The following ADGRL3 variants were observed in gnomAD, a reference collection of about 807,000 sequenced individuals.
ADGRL3 encodes adhesion G protein-coupled receptor L3, also known as calcium-independent alpha-latrotoxin receptor 3.
A neutral mutation model predicts 153.5 loss-of-function variants in ADGRL3; 62 were observed. The ratio of observed to expected loss-of-function variants is 0.40; its 90% confidence interval spans 0.33 to 0.50. The LOEUF is 0.50. Among genes scored for constraint, ADGRL3 ranks in the 20% least tolerant of loss-of-function variants. The pLI, the probability that ADGRL3 is intolerant of heterozygous loss-of-function variation, is 0.47. For synonymous variants in ADGRL3, 710 were observed against 672.5 expected (o/e 1.06, Z -0.86); for missense variants, 1,641 against 1,859.4 (o/e 0.88, Z 2.16).
At chr4:61,668,853 A>T (rs1435220559) in intron 5 of ADGRL3, among the ~76,000 whole-genome samples, 1 of 152,122 alleles carries the variant, frequency 6.6e-6, no homozygotes, top group Non-Finnish European at 1.5e-5. Flanking sequence ...CCTCATCTCT[A>T]CAAAAAGTAA....
At position 61,978,080 on chromosome 4, in the gene ADGRL3, T is replaced by C. The variant is rs116353333; in HGVS notation, c.2806-1483T>C. Among the ~76,000 whole-genome samples the C allele has an allele frequency of 7.9e-3, 1,205 of 152,268 alleles. 18 individuals are homozygous for C. The highest frequency in any genetic ancestry group is 0.028 in the African/African-American group (1,151 of 41,562). The stretch of plus-strand genomic sequence containing the variant: ...ACGTGAATATTTATATAGGTTAAAA[T>C]TGGGCTTAGTGTGGAAGCCAACTAA... On this transcript the variant is annotated intron_variant, in intron 17 of 26. Coordinates refer to ENST00000683033, the MANE Select transcript of ADGRL3 (RefSeq NM_001387552.1).
chr4:61,325,158 A>G (rs975423159), intron 1 of ADGRL3, among the ~76,000 whole-genome samples: 1 of 152,038 alleles, frequency 6.6e-6, no homozygotes, highest in African/African-American at 2.4e-5. Context: ...CTAAAAATAC[A>G]AAAATTAGCT....
intron 1 of ADGRL3, among the ~76,000 whole-genome samples, chr4:61,243,458 T>C (rs1242564994): frequency 1.3e-5 from 2 of 152,010 alleles, no homozygotes; most frequent in Admixed American, 1.3e-4. Context: ...GCTTCTCCCT[T>C]GGGCAGCAGC....
intron 3 of ADGRL3, among the ~76,000 whole-genome samples, chr4:61,499,158 T>A (rs1005731934): frequency 2.6e-5 from 4 of 152,188 alleles, no homozygotes; most frequent in African/African-American, 9.7e-5. Context: ...GCATTGCATT[T>A]TGCTGTCATT....
chr4:62,035,945 T>C (rs945985319), intron 23 of ADGRL3, among the ~76,000 whole-genome samples: 4 of 152,110 alleles, frequency 2.6e-5, no homozygotes, highest in African/African-American at 9.7e-5. Context: ...TGACACATAA[T>C]AGTTAAAAAG....
At chr4:61,278,168 C>A (rs559607590) in intron 1 of ADGRL3, among the ~76,000 whole-genome samples, 6 of 152,066 alleles carry the variant, frequency 3.9e-5, no homozygotes, top group Non-Finnish European at 8.8e-5. Flanking sequence ...CCTATTATAA[C>A]TGGCTTTGGC....
At chr4:61,720,599 A>G (rs1042679803) in intron 6 of ADGRL3, among the ~76,000 whole-genome samples, 1 of 152,176 alleles carries the variant, frequency 6.6e-6, no homozygotes, top group African/African-American at 2.4e-5. Context: ...TAATCAGTGG[A>G]GATATTCAAT....
intron 4 of ADGRL3, among the ~76,000 whole-genome samples, chr4:61,559,217 G>C (rs1263012924): frequency 6.6e-6 from 1 of 151,874 alleles, no homozygotes; most frequent in Non-Finnish European, 1.5e-5. Context: ...TCATCATCAC[G>C]ACCACCACCC....
At chr4:61,375,435 C>A (rs1397435814) in intron 1 of ADGRL3, among the ~76,000 whole-genome samples, 1 of 151,950 alleles carries the variant, frequency 6.6e-6, no homozygotes, top group Non-Finnish European at 1.5e-5. Flanking sequence ...TAAACCGGGA[C>A]AAGATTTCCT....
At position 61,717,465 on chromosome 4, in the gene ADGRL3, T is replaced by C. The variant is rs377493756; in HGVS notation, c.584-13157T>C. ...GGAGCCAGATTGTCTTATAAATTCC[T>C]AGCTCTATTTCTTACCTGATTTGTG... On this transcript the variant is annotated intron_variant, in intron 6 of 26. Coordinates refer to ENST00000683033, the MANE Select transcript of ADGRL3 (RefSeq NM_001387552.1). Among the ~76,000 whole-genome samples the C allele has an allele frequency of 9.9e-5, 15 of 152,276 alleles. No individual in the cohort carries two copies. The South Asian group carries it at 3.1e-3, about 32-fold the overall frequency.
intron 23 of ADGRL3, among the ~76,000 whole-genome samples, chr4:62,037,428 CTT>C (rs760203316): frequency 8.6e-5 from 13 of 151,930 alleles, no homozygotes; most frequent in Non-Finnish European, 1.6e-4. Flanking sequence ...CTTCAATGGG[CTT>C]AAGTATATGT....
At position 61,775,375 on chromosome 4, in the gene ADGRL3, A is replaced by G. The variant is rs183428261; in HGVS notation, c.1400-38434A>G. On this transcript the variant is annotated intron_variant, in intron 8 of 26. Coordinates refer to ENST00000683033, the MANE Select transcript of ADGRL3 (RefSeq NM_001387552.1). Reference sequence around the variant, plus strand: ...GTTCCCAGTTTTACAGTAATGGAAAAGCTAAAATTTTCTTTTTTTTCTTTC... The same window carrying G: ...GTTCCCAGTTTTACAGTAATGGAAAGGCTAAAATTTTCTTTTTTTTCTTTC... 10 of 440,662 alleles carry G rather than the reference A, an allele frequency of 2.3e-5. No homozygotes were observed. In the Admixed American group the frequency reaches 3.4e-4, roughly 15 times the overall value. 27.3% of individuals were successfully genotyped at this position (440,662 alleles called of 1,614,324 possible).
At chr4:61,282,516 T>G (rs879279719) in intron 1 of ADGRL3, among the ~76,000 whole-genome samples, 1 of 152,038 alleles carries the variant, frequency 6.6e-6, no homozygotes, top group Non-Finnish European at 1.5e-5. Context: ...AGAAGTTGGC[T>G]TTTGGAGGCA....
rs1399355644 is a variant in ADGRL3, at chr4:62,071,664, C to A, written c.*756C>A. ...AAAAAAAAAAAGAAATTTTCTTTTT[C>A]TTTTGTGCTGGTCTTGCAAGTTTGT... On this transcript the variant is annotated 3_prime_UTR_variant, in exon 27 of 27. Transcript: ENST00000683033. 2.7e-6 allele frequency: 1 copy of A among 369,558 alleles called. No individual in the cohort carries two copies. Among genetic ancestry groups the A allele is most frequent in the South Asian group, 2.1e-5 (1 of 48,518 alleles). The allele number at this position is 369,558 out of a possible 1,614,324, so 22.9% of individuals were successfully genotyped here. A position where few individuals can be genotyped will look rare whatever the true frequency, so the allele number is the denominator to read the frequency against.
At chr4:61,799,686 C>A (rs2097465691) in intron 8 of ADGRL3, among the ~76,000 whole-genome samples, 1 of 152,052 alleles carries the variant, frequency 6.6e-6, no homozygotes, top group African/African-American at 2.4e-5. Flanking sequence ...TCTTTAAATA[C>A]CAGCTTCTTA....
intron 21 of ADGRL3, among the ~76,000 whole-genome samples, chr4:62,026,393 CA>C (rs1169821211): frequency 6.6e-6 from 1 of 152,054 alleles, no homozygotes; most frequent in Non-Finnish European, 1.5e-5. Flanking sequence ...CTTGTGGCCA[CA>C]TCTCTGTGGA....
At chr4:61,646,220 T>A (rs1445841998) in intron 5 of ADGRL3, among the ~76,000 whole-genome samples, 1 of 152,112 alleles carries the variant, frequency 6.6e-6, no homozygotes, top group East Asian at 1.9e-4. Flanking sequence ...CTTCTTTGCC[T>A]TTGGTTTGAA....
chr4:61,797,350 G>A (rs1304918786), intron 8 of ADGRL3, among the ~76,000 whole-genome samples: 2 of 152,140 alleles, frequency 1.3e-5, no homozygotes, highest in African/African-American at 4.8e-5. Flanking sequence ...ACAAAAAGGT[G>A]TTTCTAAAGG....
intron 25 of ADGRL3, among the ~76,000 whole-genome samples, chr4:62,054,096 C>A (rs959475238): frequency 6.6e-6 from 1 of 151,450 alleles, no homozygotes; most frequent in African/African-American, 2.4e-5. Flanking sequence ...GTGTGAATGA[C>A]AAAGATAAAT....
Sources: allele counts gnomAD v4.1 joint callset (sites outside exome capture counted in the v4.1 genomes callset), GRCh38; gene constraint gnomAD v4.1.1; transcripts MANE v1.5; gene names NCBI Gene and HGNC (gene_info 2026-07-23, HGNC 2026-07-21).